The following GREM2 variants were observed in gnomAD, a reference collection of about 807,000 sequenced individuals.
GREM2 encodes gremlin-2.
A neutral mutation model predicts 14.2 loss-of-function variants in GREM2; 11 were observed. The ratio of observed to expected loss-of-function variants is 0.78; its 90% confidence interval spans 0.49 to 1.28. GREM2 has a LOEUF of 1.28. Among genes scored for constraint, GREM2 ranks in the 50% most tolerant of loss-of-function variants. GREM2 has a pLI of 0.00. For synonymous variants in GREM2, 98 were observed against 97.6 expected (o/e 1.00, Z -0.02); for missense variants, 210 against 218.5 (o/e 0.96, Z 0.24).
At chr1:240,576,167 G>A (rs974700279) in intron 1 of GREM2, among the ~76,000 whole-genome samples, 1 of 152,192 alleles carries the variant, frequency 6.6e-6, no homozygotes, top group Non-Finnish European at 1.5e-5. Flanking sequence ...GCTCCGTGAT[G>A]TACACCAGCT....
intron 1 of GREM2, among the ~76,000 whole-genome samples, chr1:240,557,181 C>A (rs1469769691): frequency 3.4e-5 from 5 of 149,140 alleles, no homozygotes; most frequent in African/African-American, 9.9e-5. Context: ...AAAAAAAAAA[C>A]ATAAAATAAA....
chr1:240,601,450 G>A (rs1219414890), intron 1 of GREM2, among the ~76,000 whole-genome samples: 4 of 152,166 alleles, frequency 2.6e-5, no homozygotes, highest in African/African-American at 9.7e-5. Flanking sequence ...GTTATTAAGG[G>A]AAAAAGCTTC....
At chr1:240,591,559 A>G (rs1679716892) in intron 1 of GREM2, among the ~76,000 whole-genome samples, 1 of 152,094 alleles carries the variant, frequency 6.6e-6, no homozygotes, top group Non-Finnish European at 1.5e-5. Context: ...CTCTTGGTAC[A>G]TTTATTCCTT....
chr1:240,608,903 T>G (rs1680081181), intron 1 of GREM2, among the ~76,000 whole-genome samples: 1 of 152,110 alleles, frequency 6.6e-6, no homozygotes, highest in Non-Finnish European at 1.5e-5. Context: ...ATCAAATCAC[T>G]TTTTCAGAGT....
rs138796258 is a variant in GREM2, at chr1:240,595,491, A to G, written c.-2+16393T>C. On this transcript the variant is annotated intron_variant, in intron 1 of 1. Transcript: ENST00000318160. ...TGGCAACCCAGAGCTCTTTGGGTCA[A>G]TCTTCAAATATCCCAGCAGGATTTT... Among the ~76,000 whole-genome samples, 224 of 152,260 alleles carry G rather than the reference A, an allele frequency of 1.5e-3. 1 individual carries two copies. The highest frequency in any genetic ancestry group is 5.1e-3 in the African/African-American group (213 of 41,552).
At chr1:240,596,085 G>A (rs576139436) in intron 1 of GREM2, among the ~76,000 whole-genome samples, 2 of 152,234 alleles carry the variant, frequency 1.3e-5, no homozygotes, top group South Asian at 4.1e-4. Context: ...CTCCAAATAA[G>A]TGTTCTGCTA....
intron 1 of GREM2, chr1:240,549,925 G>C (rs11582912): frequency 6.6e-6 from 1 of 152,324 alleles, no homozygotes; most frequent in South Asian, 2.1e-4. Context: ...TTCTACCATG[G>C]ATGAGGCAAA....
At chr1:240,562,904 ATG>A (rs1246275909) in intron 1 of GREM2, among the ~76,000 whole-genome samples, 2 of 140,430 alleles carry the variant, frequency 1.4e-5, no homozygotes, top group African/African-American at 2.7e-5. Context: ...GTATGTGTGT[ATG>A]TATGTCTGTG....
intron 1 of GREM2, among the ~76,000 whole-genome samples, chr1:240,582,739 G>A (rs756867246): frequency 8.6e-5 from 13 of 151,482 alleles, no homozygotes; most frequent in South Asian, 2.1e-4. Flanking sequence ...AGGGGTTGCA[G>A]TAAGCCAAGA....
At chr1:240,562,906 G>T (rs1028697568) in intron 1 of GREM2, among the ~76,000 whole-genome samples, 1 of 150,508 alleles carries the variant, frequency 6.6e-6, no homozygotes, top group Non-Finnish European at 1.5e-5. Context: ...ATGTGTGTAT[G>T]TATGTCTGTG....
chr1:240,521,766 A>G (rs527729454), intron 1 of GREM2, among the ~76,000 whole-genome samples: 9 of 152,220 alleles, frequency 5.9e-5, no homozygotes, highest in Admixed American at 5.2e-4. Flanking sequence ...CATTTCATAC[A>G]CATTGGTGGT....
At chr1:240,499,590 A>G (rs1327601183) in intron 1 of GREM2, among the ~76,000 whole-genome samples, 1 of 152,228 alleles carries the variant, frequency 6.6e-6, no homozygotes, top group East Asian at 1.9e-4. Flanking sequence ...TTGGATTCTT[A>G]GGCTGGGAGG....
intron 1 of GREM2, among the ~76,000 whole-genome samples, chr1:240,546,650 A>G (rs1310106444): frequency 6.6e-6 from 1 of 152,198 alleles, no homozygotes; most frequent in Non-Finnish European, 1.5e-5. Context: ...TACTAATTGT[A>G]TCTGTATTTT....
At chr1:240,605,730 G>A (rs1680012332) in intron 1 of GREM2, among the ~76,000 whole-genome samples, 1 of 151,874 alleles carries the variant, frequency 6.6e-6, no homozygotes, top group Non-Finnish European at 1.5e-5. Context: ...AATGAGCCCA[G>A]AAAGTCAGCG....
intron 1 of GREM2, among the ~76,000 whole-genome samples, chr1:240,519,055 T>A (rs1020179456): frequency 1.3e-5 from 2 of 152,232 alleles, no homozygotes; most frequent in Non-Finnish European, 2.9e-5. Context: ...TTTATAACTA[T>A]GTGAAAGAAT....
intron 1 of GREM2, among the ~76,000 whole-genome samples, chr1:240,581,568 GTTAAA>G (rs1031500485): frequency 1.8e-4 from 28 of 152,176 alleles, no homozygotes; most frequent in Middle Eastern, 6.8e-3. Flanking sequence ...GTAACTTTTA[GTTAAA>G]TTAATTTATA....
At chr1:240,584,480 G>C (rs1270176088) in intron 1 of GREM2, among the ~76,000 whole-genome samples, 2 of 134,650 alleles carry the variant, frequency 1.5e-5, no homozygotes, top group African/African-American at 6.0e-5. Context: ...GGGTGACAGA[G>C]CGAGACTCCA....
At chr1:240,576,384 T>C (rs1179920112) in intron 1 of GREM2, among the ~76,000 whole-genome samples, 1 of 152,226 alleles carries the variant, frequency 6.6e-6, no homozygotes, top group Non-Finnish European at 1.5e-5. Flanking sequence ...TGGTTTCGCT[T>C]AGAGTGTGAG....
intron 1 of GREM2, among the ~76,000 whole-genome samples, chr1:240,512,298 TAAGAG>T (rs1677851253): frequency 6.6e-6 from 1 of 152,212 alleles, no homozygotes; most frequent in Non-Finnish European, 1.5e-5. Context: ...TATCTATTAA[TAAGAG>T]AAAAGTCTCA....
Sources: gnomAD v4.1 joint callset for allele counts (sites outside exome capture counted in the v4.1 genomes callset) on GRCh38, gnomAD v4.1.1 for gene constraint, MANE v1.5 for transcripts, NCBI Gene and HGNC (gene_info 2026-07-23, HGNC 2026-07-21) for gene names.